The following TBCA variants were observed in gnomAD, a reference collection of about 807,000 sequenced individuals.
TBCA encodes the protein tubulin-specific chaperone A.
Under a neutral mutation model 15.8 loss-of-function variants are expected in TBCA, and 6 were observed. That is an observed-to-expected ratio of 0.38 (90% CI 0.21 to 0.75). TBCA has a LOEUF of 0.75. Ranked by LOEUF, TBCA falls within the 30% of genes least tolerant of loss-of-function variation. TBCA has a pLI of 0.46. For missense variants in TBCA, 90 were observed against 131.2 expected (o/e 0.69, Z 1.53); for synonymous variants, 32 against 42.3 (o/e 0.76, Z 0.94).
intron 1 of TBCA, among the ~76,000 whole-genome samples, chr5:77,767,576 G>A (rs1461642544): frequency 6.6e-6 from 1 of 152,124 alleles, no homozygotes; most frequent in African/African-American, 2.4e-5. Context: ...GGGGCTTGGG[G>A]GTAGGGAATC....
In TBCA at chr5:77,740,566, T is replaced by C. The variant is rs550915396; in HGVS notation, c.54-32219A>G. On this transcript the variant is annotated intron_variant, in intron 1 of 3. Coordinates refer to ENST00000380377, the MANE Select transcript of TBCA (RefSeq NM_004607.3). ...CAGAGATAAGAAGCCCAGGAGAAGA[T>C]TGAGGGAGAGGTAAAATATAAAACC... 2.8e-4 allele frequency among the ~76,000 whole-genome samples: 43 copies of C among 152,282 alleles called. No homozygotes were observed. The South Asian group carries it at 4.4e-3, about 15-fold the overall frequency.
chr5:77,732,550 CAAAAA>C (rs35780694), intron 1 of TBCA, among the ~76,000 whole-genome samples: 11 of 89,510 alleles, frequency 1.2e-4, no homozygotes, highest in African/African-American at 4.0e-4. Context: ...GACTCTGTCT[CAAAAA>C]AAAAAAAAAA....
At chr5:77,745,960 T>C (rs1747175780) in intron 1 of TBCA, among the ~76,000 whole-genome samples, 1 of 152,248 alleles carries the variant, frequency 6.6e-6, no homozygotes, top group South Asian at 2.1e-4. Context: ...TGAGCTTCTG[T>C]ATGCTTGCTG....
chr5:77,758,169 C>G (rs1266515357), intron 1 of TBCA, among the ~76,000 whole-genome samples: 2 of 151,986 alleles, frequency 1.3e-5, no homozygotes, highest in African/African-American at 4.8e-5. Flanking sequence ...AAGAGAGAGA[C>G]CCTCTCATAT....
chr5:77,762,496 G>A (rs1747665914), intron 1 of TBCA, among the ~76,000 whole-genome samples: 1 of 152,074 alleles, frequency 6.6e-6, no homozygotes, highest in Non-Finnish European at 1.5e-5. Context: ...CTATGGCATT[G>A]GCAATTATAA....
intron 2 of TBCA, among the ~76,000 whole-genome samples, chr5:77,702,630 G>A (rs940792006): frequency 2.6e-5 from 4 of 152,168 alleles, no homozygotes; most frequent in Non-Finnish European, 5.9e-5. Context: ...ATGAGTGCAG[G>A]TATAACTAGT....
intron 1 of TBCA, among the ~76,000 whole-genome samples, chr5:77,723,999 C>T (rs1746578932): frequency 6.6e-6 from 1 of 151,936 alleles, no homozygotes; most frequent in Non-Finnish European, 1.5e-5. Context: ...ATTTGAAAGA[C>T]CAATAATTTC....
chr5:77,691,320 T>C lies in TBCA; in HGVS notation c.*98A>G. On this transcript the variant is annotated 3_prime_UTR_variant, in exon 4 of 4. Transcript: ENST00000380377. ...ATGTAACCAGATAAAAACAATCACA[T>C]TCTCATACTACTTGAACACATAGCA... 1 of 954,712 alleles carries C rather than the reference T, an allele frequency of 1.0e-6. No homozygotes were observed. Among genetic ancestry groups the C allele is most frequent in the East Asian group, 2.7e-5 (1 of 36,808 alleles). 59.1% of individuals were successfully genotyped at this position (954,712 alleles called of 1,614,324 possible).
intron 2 of TBCA, chr5:77,705,525 T>TA: frequency 5.0e-6 from 2 of 398,446 alleles, no homozygotes; most frequent in Admixed American, 4.4e-5. Flanking sequence ...GAAGGGTCGT[T>TA]AGTTCATAAA....
chr5:77,733,092 C>T (rs1427623453), intron 1 of TBCA, among the ~76,000 whole-genome samples: 1 of 152,086 alleles, frequency 6.6e-6, no homozygotes, highest in Non-Finnish European at 1.5e-5. Flanking sequence ...ACCAGCCTGG[C>T]CAACATGGCG....
chr5:77,749,718 A>C (rs1747273028), intron 1 of TBCA, among the ~76,000 whole-genome samples: 1 of 152,254 alleles, frequency 6.6e-6, no homozygotes, highest in South Asian at 2.1e-4. Flanking sequence ...GTAGGAATTT[A>C]TTCTACAGAT....
In TBCA at chr5:77,728,894, T is replaced by C. The variant is rs1466248334; in HGVS notation, c.54-20547A>G. 2.6e-5 allele frequency among the ~76,000 whole-genome samples: 4 copies of C among 152,054 alleles called. No homozygotes were observed. The East Asian group carries it at 7.7e-4, about 29-fold the overall frequency. On this transcript the variant is annotated intron_variant, in intron 1 of 3. Coordinates refer to ENST00000380377, the MANE Select transcript of TBCA (RefSeq NM_004607.3). The stretch of plus-strand genomic sequence containing the variant: ...AGTTAATTGTAGCCAAGTTTCTAGT[T>C]CTCAGGCTCACAATCTGTGGGCCCG...
chr5:77,731,626 T>G (rs1027425274), intron 1 of TBCA, among the ~76,000 whole-genome samples: 5 of 152,214 alleles, frequency 3.3e-5, no homozygotes, highest in Admixed American at 3.3e-4. Context: ...TCCGTATCTC[T>G]ATCTTTTATC....
chr5:77,767,904 G>A (rs1747816637), intron 1 of TBCA, among the ~76,000 whole-genome samples: 1 of 152,192 alleles, frequency 6.6e-6, no homozygotes, highest in Admixed American at 6.5e-5. Context: ...CAATGCTACA[G>A]TATTAAGAGA....
intron 1 of TBCA, among the ~76,000 whole-genome samples, chr5:77,735,390 C>T (rs1183501813): frequency 6.6e-6 from 1 of 151,856 alleles, no homozygotes; most frequent in African/African-American, 2.4e-5. Flanking sequence ...GTCACTCTAG[C>T]TCTTTTCAGT....
intron 1 of TBCA, among the ~76,000 whole-genome samples, chr5:77,775,165 T>C (rs1747992573): frequency 6.6e-6 from 1 of 152,158 alleles, no homozygotes. Flanking sequence ...TCTACCCACC[T>C]GAGACAAATG....
At chr5:77,729,187 G>A (rs1580113202) in intron 1 of TBCA, among the ~76,000 whole-genome samples, 3 of 151,972 alleles carry the variant, frequency 2.0e-5, no homozygotes, top group African/African-American at 4.8e-5. Context: ...GGTGGTGCAC[G>A]CCTGTAAGCC....
At chr5:77,699,068 A>C (rs1745944504) in intron 2 of TBCA, among the ~76,000 whole-genome samples, 1 of 143,640 alleles carries the variant, frequency 7.0e-6, no homozygotes, top group South Asian at 2.3e-4. Context: ...AGAAATACTT[A>C]GCTATACATT....
chr5:77,759,659 C>G (rs1435455021), intron 1 of TBCA, among the ~76,000 whole-genome samples: 1 of 152,084 alleles, frequency 6.6e-6, no homozygotes, highest in Non-Finnish European at 1.5e-5. Flanking sequence ...GCAAAGATGC[C>G]TATTAATGTG....
Sources: allele counts gnomAD v4.1 joint callset (sites outside exome capture counted in the v4.1 genomes callset), GRCh38; gene constraint gnomAD v4.1.1; transcripts MANE v1.5; gene names NCBI Gene and HGNC (gene_info 2026-07-23, HGNC 2026-07-21).